Variants in RBFOX1 observed in about 807,000 individuals in gnomAD.
RBFOX1 encodes the protein RNA binding protein fox-1 homolog 1.
In RBFOX1, 8 loss-of-function variants were observed where a neutral mutation model predicts 57.7. The ratio of observed to expected loss-of-function variants is 0.14; its 90% CI spans 0.08 to 0.25. RBFOX1 has a LOEUF of 0.25. Ranked by LOEUF, RBFOX1 falls within the 10% of genes least tolerant of loss-of-function variation. The pLI is 1.00. For synonymous variants in RBFOX1, 326 were observed against 222.4 expected (o/e 1.47, Z -4.15); for missense variants, 611 against 548.5 (o/e 1.11, Z -1.14).
chr16:7,419,884 A>G (rs773596678), intron 4 of RBFOX1, among the ~76,000 whole-genome samples: 59 of 148,610 alleles, frequency 4.0e-4, no homozygotes, highest in Admixed American at 6.0e-4. Context: ...TATTTTAGCA[A>G]CCTGCATTGA....
chr16:6,989,782 C>A (rs572575362), intron 3 of RBFOX1, among the ~76,000 whole-genome samples: 1 of 152,154 alleles, frequency 6.6e-6, no homozygotes, highest in African/African-American at 2.4e-5. Flanking sequence ...GGTGGATCAC[C>A]TGAGGTCAGG....
chr16:5,650,722 C>A (rs2049208194), intron 3 of RBFOX1, among the ~76,000 whole-genome samples: 1 of 152,106 alleles, frequency 6.6e-6, no homozygotes, highest in Non-Finnish European at 1.5e-5. Context: ...TCTCTGTCTT[C>A]CCTTGCCTCT....
chr16:6,161,155 G>A (rs778937578), intron 1 of RBFOX1, among the ~76,000 whole-genome samples: 2 of 152,114 alleles, frequency 1.3e-5, no homozygotes, highest in Non-Finnish European at 2.9e-5. Context: ...TGGGGAGGCC[G>A]AGGCGGGCAG....
intron 4 of RBFOX1, among the ~76,000 whole-genome samples, chr16:5,899,144 C>CAAAAAAAAAAA (rs35163906): frequency 2.9e-4 from 29 of 100,076 alleles, no homozygotes; most frequent in African/African-American, 1.1e-3. Flanking sequence ...GACCCTGTCT[C>CAAAAAAAAAAA]AAAAAAAAAA....
intron 10 of RBFOX1, among the ~76,000 whole-genome samples, chr16:7,622,882 A>C (rs1006085550): frequency 6.6e-6 from 1 of 152,222 alleles, no homozygotes; most frequent in African/African-American, 2.4e-5. Context: ...GCTGGTGTAA[A>C]AGCATTAGGG....
intron 5 of RBFOX1, among the ~76,000 whole-genome samples, chr16:7,540,990 C>T (rs1297911837): frequency 1.3e-5 from 2 of 152,160 alleles, no homozygotes; most frequent in Admixed American, 1.3e-4. Flanking sequence ...TTAGCTCTCT[C>T]AGAGGTTCAA....
At chr16:5,878,267 G>A (rs2057667479) in intron 4 of RBFOX1, among the ~76,000 whole-genome samples, 1 of 152,160 alleles carries the variant, frequency 6.6e-6, no homozygotes, top group South Asian at 2.1e-4. Context: ...GCAGCAGTGA[G>A]AACAGCCAGC....
intron 3 of RBFOX1, among the ~76,000 whole-genome samples, chr16:6,964,471 G>T (rs1297725370): frequency 6.6e-6 from 1 of 152,144 alleles, no homozygotes; most frequent in African/African-American, 2.4e-5. Flanking sequence ...TGATGTGTCA[G>T]TGTATATGGT....
At chr16:6,867,308 A>G (rs1269130873) in intron 3 of RBFOX1, among the ~76,000 whole-genome samples, 1 of 152,014 alleles carries the variant, frequency 6.6e-6, no homozygotes, top group East Asian at 1.9e-4. Context: ...ATTCTGGATC[A>G]TTATTGGCTC....
intron 1 of RBFOX1, among the ~76,000 whole-genome samples, chr16:6,242,663 C>CACACAG (rs900677748): frequency 1.8e-4 from 25 of 138,622 alleles, no homozygotes; most frequent in Non-Finnish European, 2.9e-4. Context: ...CACACACACA[C>CACACAG]ATTCCTTAAA....
intron 3 of RBFOX1, among the ~76,000 whole-genome samples, chr16:6,839,714 G>A (rs550433388): frequency 2.6e-5 from 4 of 152,266 alleles, no homozygotes; most frequent in African/African-American, 7.2e-5. Context: ...GAAGGCACAC[G>A]ATTCTTCTTG....
intron 4 of RBFOX1, among the ~76,000 whole-genome samples, chr16:7,442,152 G>C (rs76622245): frequency 1.3e-5 from 2 of 152,078 alleles, no homozygotes; most frequent in Non-Finnish European, 2.9e-5. Context: ...ATGCATGAAC[G>C]GGACCCCAGA....
chr16:5,904,807 C>G (rs2058407727), intron 4 of RBFOX1, among the ~76,000 whole-genome samples: 2 of 151,544 alleles, frequency 1.3e-5, no homozygotes, highest in African/African-American at 2.4e-5. Flanking sequence ...GAAACCCTGT[C>G]TCTACTAAAA....
intron 3 of RBFOX1, among the ~76,000 whole-genome samples, chr16:5,659,467 C>G (rs550417812): frequency 1.3e-5 from 2 of 152,008 alleles, no homozygotes; most frequent in African/African-American, 4.8e-5. Flanking sequence ...CCATGCCCAG[C>G]TAATTTTTTG....
intron 1 of RBFOX1, among the ~76,000 whole-genome samples, chr16:5,241,595 G>C (rs8055096): frequency 0.01 from 1,538 of 152,264 alleles, 29 homozygotes; most frequent in African/African-American, 0.035. Flanking sequence ...CAGTTACCCT[G>C]TCTGAGCCTT....
At chr16:5,596,428 A>G (rs1326479013) in intron 2 of RBFOX1, among the ~76,000 whole-genome samples, 1 of 152,140 alleles carries the variant, frequency 6.6e-6, no homozygotes, top group Non-Finnish European at 1.5e-5. Context: ...GTCCAACACA[A>G]TGCAGTGACC....
intron 4 of RBFOX1, among the ~76,000 whole-genome samples, chr16:7,217,550 C>T (rs773764318): frequency 6.6e-6 from 1 of 151,990 alleles, no homozygotes; most frequent in African/African-American, 2.4e-5. Context: ...GTCCATCACT[C>T]TTTATCTTAT....
rs118071993 is a variant in RBFOX1 at position 5,692,840 on chromosome 16, G to A, written c.318+93879G>A. Among the ~76,000 whole-genome samples the A allele has an allele frequency of 2.0e-3, 304 of 152,300 alleles. 2 individuals are homozygous for A. The highest frequency in any genetic ancestry group is 0.01 in the Middle Eastern group (3 of 294). On this transcript the variant is annotated intron_variant, in intron 3 of 19. Transcript: ENST00000641259. ...CATCTGCAAGCCGAGTAAGAAAGAA[G>A]TGAGACCATACCTGGAAGGCAGGTT...
rs989040346 is a variant in RBFOX1, at chr16:5,417,280, G to T, written c.220-49936G>T. Among the ~76,000 whole-genome samples the T allele has an allele frequency of 1.7e-4, 26 of 152,308 alleles. 1 individual carries two copies. The highest frequency in any genetic ancestry group is 1.4e-3 in the Admixed American group (22 of 15,306). ...CCTGTTGAAGGAAATCAATGTGTCCGAACGTAATTTAATGAGAAGAAGCTG... is the reference window on the plus strand; with the variant it reads ...CCTGTTGAAGGAAATCAATGTGTCCTAACGTAATTTAATGAGAAGAAGCTG... On this transcript the variant is annotated intron_variant, in intron 1 of 2. Coordinates refer to the RBFOX1 transcript ENST00000585867.
Sources: allele counts gnomAD v4.1 joint callset (sites outside exome capture counted in the v4.1 genomes callset), GRCh38; gene constraint gnomAD v4.1.1; transcripts MANE v1.5; gene names NCBI Gene and HGNC (gene_info 2026-07-23, HGNC 2026-07-21).